The following FMO5 variants were observed in gnomAD, a reference collection of about 807,000 sequenced individuals.
The protein encoded by FMO5 is flavin containing dimethylaniline monoxygenase 5.
A neutral mutation model predicts 43.6 loss-of-function variants in FMO5; 51 were observed. The observed-to-expected ratio is 1.17, with a 90% CI of 0.93 to 1.48. The LOEUF is 1.48. Ranked by LOEUF, FMO5 falls within the 40% of genes most tolerant of loss-of-function variation. The probability of loss-of-function intolerance (pLI) is 0.00; values close to 1 mark genes in which losing one functional copy is unlikely to be tolerated. For synonymous variants in FMO5, 187 were observed against 216.5 expected, an observed-to-expected ratio of 0.86 and a Z score of 1.20; for missense variants, 644 against 643.0, an observed-to-expected ratio of 1.00 and a Z score of -0.02.
At chr1:147,203,926 C>A in intron 6 of FMO5, 1 of 1,485,826 alleles carries the variant, frequency 6.7e-7, no homozygotes, top group South Asian at 1.1e-5. Flanking sequence ...CAGGAGGTGT[C>A]AATCTAGGAA....
At chr1:147,185,087 A>G (rs1655503400), downstream of FMO5, among the ~76,000 whole-genome samples, 1 of 152,126 alleles carries the variant, frequency 6.6e-6, no homozygotes, top group African/African-American at 2.4e-5. Flanking sequence ...ATTATCAGTA[A>G]CAAGAGCTTT....
chr1:147,223,389 G>A (rs1470262), intron 2 of FMO5, among the ~76,000 whole-genome samples: 61,871 of 152,084 alleles, frequency 0.41, 13,212 homozygotes, highest in East Asian at 0.69. Flanking sequence ...ATTGTATTTC[G>A]GTTCAACTAA....
chr1:147,189,766 C>A (rs967904393), intron 8 of FMO5, among the ~76,000 whole-genome samples: 2 of 152,140 alleles, frequency 1.3e-5, no homozygotes, highest in Non-Finnish European at 2.9e-5. Context: ...GCGGCCACTG[C>A]AGACTTGTAA....
At chr1:147,211,669 A>C (rs1553923748) in intron 5 of FMO5, 1 of 152,244 alleles carries the variant, frequency 6.6e-6, no homozygotes, top group African/African-American at 2.4e-5. Context: ...TAATAACAAA[A>C]TACAATATTG....
At chr1:147,197,130 A>G (rs1215061307) in intron 7 of FMO5, among the ~76,000 whole-genome samples, 2 of 152,158 alleles carry the variant, frequency 1.3e-5, no homozygotes, top group Non-Finnish European at 2.9e-5. Context: ...CTTCATTCCT[A>G]TAACACTTTA....
At chr1:147,224,632 C>G (rs948286017) in intron 2 of FMO5, among the ~76,000 whole-genome samples, 19 of 152,092 alleles carry the variant, frequency 1.2e-4, no homozygotes, top group African/African-American at 4.6e-4. Flanking sequence ...GCCTTAGCCT[C>G]CCGAGTAGCT....
intron 7 of FMO5, 147 bp downstream of exon 7, chr1:147,201,005 C>T (rs1553920753): frequency 9.2e-6 from 6 of 649,924 alleles, no homozygotes; most frequent in Non-Finnish European, 1.6e-5. Context: ...ACTTTAGATT[C>T]ACTCAAAAAT....
At chr1:147,185,402 A>C (rs781832975), downstream of FMO5, among the ~76,000 whole-genome samples, 25 of 152,188 alleles carry the variant, frequency 1.6e-4, no homozygotes, top group Admixed American at 3.9e-4. Context: ...TGATATGCAG[A>C]TTTAAAAATA....
chr1:147,204,076 AG>A lies in FMO5; in HGVS notation c.831-2573del, dbSNP rs1659525504. Reference sequence around the variant, plus strand: ...CACCTGTTACTACAACATTTGCACCAGTATCAGCAATAGCTTTGACTTATGC... The same window carrying A: ...CACCTGTTACTACAACATTTGCACCATATCAGCAATAGCTTTGACTTATGC... On this transcript the variant is annotated intron_variant, in intron 6 of 8. Coordinates refer to ENST00000254090, the MANE Select transcript of FMO5 (RefSeq NM_001461.4). 7 of 1,125,654 alleles carry A rather than the reference AG, an allele frequency of 6.2e-6. No individual in the cohort carries two copies. In the South Asian group the frequency reaches 8.6e-5, roughly 14 times the overall value. The allele number at this position is 1,125,654 out of a possible 1,614,324, so 69.7% of individuals were successfully genotyped here. A position where few individuals can be genotyped will look rare whatever the true frequency, so the allele number is the denominator to read the frequency against.
chr1:147,224,719 C>G (rs1281055407), intron 2 of FMO5, among the ~76,000 whole-genome samples, 176 bp downstream of exon 2: 1 of 152,160 alleles, frequency 6.6e-6, no homozygotes, highest in Admixed American at 6.5e-5. Flanking sequence ...ACCGTGTTAG[C>G]CAGGATGGTC....
At chr1:147,193,225 G>A (rs2101747621) in intron 7 of FMO5, among the ~76,000 whole-genome samples, 1 of 152,192 alleles carries the variant, frequency 6.6e-6, no homozygotes, top group South Asian at 2.1e-4. Context: ...GCTTCTTCCT[G>A]GTTTAGTCTT....
intron 3 of FMO5, 104 bp downstream of exon 3, chr1:147,215,650 C>A: frequency 1.2e-6 from 1 of 807,058 alleles, no homozygotes; most frequent in Non-Finnish European, 2.0e-6. Context: ...AATACATGTG[C>A]AAATCAAGCC....
chr1:147,224,757 G>A (rs1457503632), intron 2 of FMO5, 138 bp downstream of exon 2: 26 of 731,700 alleles, frequency 3.6e-5, no homozygotes, highest in Non-Finnish European at 5.8e-5. Flanking sequence ...TGATCCGCCC[G>A]CCTCGGCCTC....
intron 6 of FMO5, among the ~76,000 whole-genome samples, chr1:147,205,335 C>T (rs1380011817): frequency 1.3e-5 from 2 of 152,140 alleles, no homozygotes; most frequent in Non-Finnish European, 2.9e-5. Context: ...ATCTATACCA[C>T]CTTATCTAAG....
At chr1:147,225,923 A>C (rs979699470), upstream of FMO5, 1 of 152,220 alleles carries the variant, frequency 6.6e-6, no homozygotes, top group Non-Finnish European at 1.5e-5. Context: ...TCCACGTGAA[A>C]GGGTCGTGAT....
chr1:147,220,944 C>CAAA lies in FMO5; in HGVS notation c.135+3948_135+3950dup, dbSNP rs11287039. 3.3e-3 allele frequency among the ~76,000 whole-genome samples: 448 copies of CAAA among 137,304 alleles called. 5 individuals are homozygous for CAAA. In the Middle Eastern group the frequency reaches 0.036, roughly 11 times the overall value. 90.1% of individuals were successfully genotyped at this position (137,304 alleles called of 152,430 possible). A position where few individuals can be genotyped will look rare whatever the true frequency, so the allele number is the denominator to read the frequency against. On this transcript the variant is annotated intron_variant, in intron 2 of 8. Coordinates refer to ENST00000254090, the MANE Select transcript of FMO5 (RefSeq NM_001461.4). ...TAACATAAAATGAGTTTTAAGTTTC[C>CAAA]AAAAAAAAAAAAAAACAGTGGGTAT...
At chr1:147,184,440 G>T, downstream of FMO5, 2 of 1,388,388 alleles carry the variant, frequency 1.4e-6, no homozygotes, top group Non-Finnish European at 1.9e-6. This position sits in a 1 kb window ranked among gnomAD's most constrained non-coding sequence, Gnocchi z 4.4. Flanking sequence ...TTTACTTAAA[G>T]TTCTTTTTCT....
intron 2 of FMO5, among the ~76,000 whole-genome samples, chr1:147,216,478 G>C (rs1182011782): frequency 6.6e-6 from 1 of 152,076 alleles, no homozygotes; most frequent in Non-Finnish European, 1.5e-5. Flanking sequence ...GAGTGTAACA[G>C]TTTCCATATA....
At chr1:147,184,354 A>T, downstream of FMO5, 3 of 894,952 alleles carry the variant, frequency 3.4e-6, no homozygotes, top group Non-Finnish European at 4.6e-6. This position sits in a 1 kb window ranked among gnomAD's most constrained non-coding sequence, Gnocchi z 4.4. Flanking sequence ...TTCCTCTGGT[A>T]CATTTGTCAC....
Sources: allele counts gnomAD v4.1 joint callset (sites outside exome capture counted in the v4.1 genomes callset), GRCh38; gene constraint gnomAD v4.1.1; non-coding constraint Gnocchi (gnomAD v3.1); transcripts MANE v1.5; gene names NCBI Gene and HGNC (gene_info 2026-07-23, HGNC 2026-07-21).